SLC24A5: variants seen among roughly 807,000 people sequenced by gnomAD.
SLC24A5 encodes the protein sodium/potassium/calcium exchanger 5.
A neutral mutation model predicts 51.6 loss-of-function variants in SLC24A5; 46 were observed. That is an observed-to-expected ratio of 0.89 (90% CI 0.70 to 1.14). The LOEUF (loss-of-function observed/expected upper bound fraction) is 1.14. Ranked by LOEUF, SLC24A5 falls within the 50% of genes most tolerant of loss-of-function variation. The pLI, the probability that SLC24A5 is intolerant of heterozygous loss-of-function variation, is 0.00. For missense variants in SLC24A5, 581 were observed against 604.1 expected, an observed-to-expected ratio of 0.96 and a Z score of 0.40; for synonymous variants, 230 against 214.9, an observed-to-expected ratio of 1.07 and a Z score of -0.62.
At chr15:48,141,360 C>T (rs1398212604) in intron 8 of SLC24A5, 146 bp downstream of exon 8, 17 of 549,464 alleles carry the variant, frequency 3.1e-5, no homozygotes, top group Non-Finnish European at 5.2e-5. Context: ...GGGTGGATCA[C>T]GAGGTCAGGA....
rs1411705076 is a variant in SLC24A5, at chr15:48,142,590, T to C, written c.*239T>C. 5 of 452,010 alleles carry C rather than the reference T, an allele frequency of 1.1e-5. No homozygotes were observed. Among genetic ancestry groups the C allele is most frequent in the African/African-American group, 6.0e-5 (3 of 49,740 alleles). The allele number at this position is 452,010 out of a possible 1,614,324, so 28.0% of individuals were successfully genotyped here. On this transcript the variant is annotated 3_prime_UTR_variant, in exon 9 of 9. Coordinates refer to ENST00000341459, the MANE Select transcript of SLC24A5 (RefSeq NM_205850.3). ...AATCTATGTTTTACCATACAATAAG[T>C]TGACAAAAACTGGAGAAACTAGAAC...
At position 48,136,727 on chromosome 15, in the gene SLC24A5, T is replaced by C; in HGVS notation, c.635T>C (p.Leu212Ser). 6.2e-7 allele frequency: 1 copy of C among 1,613,474 alleles called. No individual in the cohort carries two copies. The change falls in exon 6 of 9, where the codon TTG (leucine) becomes TCG (serine). Residue 212 changes from leucine to serine, a missense_variant. Coordinates refer to ENST00000341459, the MANE Select transcript of SLC24A5 (RefSeq NM_205850.3). ...LLLLIYGLYVLVLCFDIKINQ... is the reference protein window; with the variant it reads ...LLLLIYGLYVSVLCFDIKINQ... ...CTTTTGATATATGGATTGTATGTTTTGGTGCTGTGTTTTGACATTAAAATT... is the reference window on the plus strand; with the variant it reads ...CTTTTGATATATGGATTGTATGTTTCGGTGCTGTGTTTTGACATTAAAATT...
At chr15:48,127,210 G>A (rs2038741048) in intron 2 of SLC24A5, among the ~76,000 whole-genome samples, 1 of 152,176 alleles carries the variant, frequency 6.6e-6, no homozygotes, top group African/African-American at 2.4e-5. Context: ...AGAAACACAA[G>A]TGAACTGCTT....
At position 48,136,944 on chromosome 15, in the gene SLC24A5, C is replaced by A; in HGVS notation, c.852C>A (p.Gly284=). 6.2e-7 allele frequency: 1 copy of A among 1,609,188 alleles called. No homozygotes were observed. Among genetic ancestry groups the A allele is most frequent in the Non-Finnish European group, 8.5e-7 (1 of 1,176,258 alleles). The part of the protein sequence containing the change: ...GYSQLSISLH[G]LSQVSEDPPS... ...CTCAGCTCTCTATAAGTTTACATGG[C>A]CTTAGTCAGGTTTCTGAAGGTAATC... Residue 284 remains glycine, a synonymous_variant, in exon 6 of 9, where the codon GGC becomes GGA. Coordinates refer to ENST00000341459, the MANE Select transcript of SLC24A5 (RefSeq NM_205850.3).
intron 2 of SLC24A5, chr15:48,122,608 T>G (rs956697399): frequency 6.5e-6 from 1 of 153,400 alleles, no homozygotes; most frequent in African/African-American, 2.4e-5. Flanking sequence ...GACTGTAAAA[T>G]CAGTTATTAA....
rs2038674411 is a variant in SLC24A5, at chr15:48,121,079, G to A, written c.35G>A (p.Arg12Lys). ...QTKGGQTWAR[R>K]ALLLGILWAT... ...AAAGGGGGCCAAACATGGGCGAGAAGGGCTCTGTTGCTCGGCATCCTGTGG... is the reference window on the plus strand; with the variant it reads ...AAAGGGGGCCAAACATGGGCGAGAAAGGCTCTGTTGCTCGGCATCCTGTGG... The change falls in exon 1 of 9, where the codon AGG becomes AAG. Residue 12 changes from arginine (R) to lysine (K), a missense_variant. Transcript: ENST00000341459. The A allele has an allele frequency of 6.2e-7, 1 of 1,613,952 alleles. No individual in the cohort carries two copies. The highest frequency in any genetic ancestry group is 8.5e-7 in the Non-Finnish European group (1 of 1,179,924).
rs780825118 is a variant in SLC24A5 at position 48,142,057 on chromosome 15, C to G, written c.1209C>G (p.Ile403Met). The part of the protein sequence containing the change: ...KGKGDMAMSN[I>M]VGSNVFDMLC... The stretch of plus-strand genomic sequence containing the variant: ...AAGGAGATATGGCTATGTCTAACAT[C>G]GTGGGATCCAATGTGTTTGATATGT... Residue 403 changes from isoleucine (I) to methionine (M), a missense_variant, in exon 9 of 9, where the codon ATC (isoleucine) becomes ATG (methionine). Physicochemically the swap from Ile to Met is conservative, Grantham distance 10. Transcript: ENST00000341459. 72 of 1,612,526 alleles carry G rather than the reference C, an allele frequency of 4.5e-5. No homozygotes were observed. The East Asian group carries it at 1.6e-3, about 36-fold the overall frequency.
chr15:48,125,394 G>A (rs1471854210), intron 2 of SLC24A5, among the ~76,000 whole-genome samples: 2 of 151,882 alleles, frequency 1.3e-5, no homozygotes, highest in Non-Finnish European at 2.9e-5. Context: ...GGGAGGGTAG[G>A]TAATTTCTCA....
At chr15:48,141,906 T>C (rs1285038117) in intron 8 of SLC24A5, 123 bp from the exon 9 acceptor site, 5 of 697,724 alleles carry the variant, frequency 7.2e-6, no homozygotes, top group South Asian at 3.3e-5. Flanking sequence ...ACTTTTGCTC[T>C]AACAACAATT....
In SLC24A5 at chr15:48,141,300, C is replaced by T. The variant is rs758832145; in HGVS notation, c.1180+86C>T. 1.1e-5 allele frequency: 12 copies of T among 1,139,090 alleles called. 1 individual carries two copies. Among genetic ancestry groups the T allele is most frequent in the South Asian group, 2.7e-5 (2 of 73,340 alleles). 70.6% of individuals were successfully genotyped at this position (1,139,090 alleles called of 1,614,324 possible). A position where few individuals can be genotyped will look rare whatever the true frequency, so the allele number is the denominator to read the frequency against. Reference sequence around the variant, plus strand: ...AGCTTTAAAAATGTTTACTTCCAGCCGGGTGTGGTGGCTCGCGCCTGTAAT... The same window carrying T: ...AGCTTTAAAAATGTTTACTTCCAGCTGGGTGTGGTGGCTCGCGCCTGTAAT... On this transcript the variant is annotated intron_variant, in intron 8 of 8. Coordinates refer to ENST00000341459, the MANE Select transcript of SLC24A5 (RefSeq NM_205850.3).
chr15:48,134,926 G>A lies in SLC24A5; in HGVS notation c.532G>A (p.Ala178Thr). Residue 178 changes from alanine (A) to threonine (T), a missense_variant, in exon 5 of 9, where the codon GCG becomes ACG. By Grantham distance (58) the Ala-to-Thr change is moderately conservative (BLOSUM62 0). Transcript: ENST00000341459. Reference protein sequence around the residue: ...SCWPLFRDCAAYTISAAAVLG... With the variant: ...SCWPLFRDCATYTISAAAVLG... ...TTGGCCCCTATTCAGAGACTGTGCA[G>A]CGTACACAATTAGTGCAGCAGCAGT... 1.2e-6 allele frequency: 2 copies of A among 1,612,542 alleles called. No homozygotes were observed. Among genetic ancestry groups the A allele is most frequent in the Non-Finnish European group, 1.7e-6 (2 of 1,178,964 alleles).
At chr15:48,122,431 T>C (rs1013352191) in intron 2 of SLC24A5, 1 of 282,654 alleles carries the variant, frequency 3.5e-6, no homozygotes, top group African/African-American at 2.2e-5. Flanking sequence ...TACTCTAAGC[T>C]CGCTATAACT....
chr15:48,123,557 A>G (rs79338096), intron 2 of SLC24A5: 4 of 152,158 alleles, frequency 2.6e-5, no homozygotes, highest in African/African-American at 9.7e-5. Context: ...TGAGCGTCTG[A>G]CACTGGTTTT....
intron 5 of SLC24A5, 51 bp downstream of exon 5, chr15:48,135,035 T>G (rs771857903): frequency 2.8e-6 from 4 of 1,431,106 alleles, no homozygotes; most frequent in East Asian, 4.6e-5. Flanking sequence ...TATGAATTTC[T>G]GATGGTTCAG....
intron 2 of SLC24A5, 131 bp from the exon 3 acceptor site, chr15:48,134,127 C>G (rs2038836319): frequency 1.3e-6 from 1 of 749,272 alleles, no homozygotes; most frequent in African/African-American, 1.8e-5. Flanking sequence ...CTCTTTTAAT[C>G]TGTGTATTTT....
chr15:48,130,771 A>AT (rs566293099), intron 2 of SLC24A5, among the ~76,000 whole-genome samples: 3 of 152,060 alleles, frequency 2.0e-5, no homozygotes, highest in South Asian at 2.1e-4. Context: ...CTCGGTAACT[A>AT]TTTTTTCCAC....
At chr15:48,132,614 C>T (rs754350651) in intron 2 of SLC24A5, among the ~76,000 whole-genome samples, 4 of 152,084 alleles carry the variant, frequency 2.6e-5, no homozygotes, top group Non-Finnish European at 4.4e-5. Flanking sequence ...GTTTACTGAG[C>T]TAAGCTAGGT....
chr15:48,122,440 C>G (rs1368266003), intron 2 of SLC24A5: 1 of 260,130 alleles, frequency 3.8e-6, no homozygotes, highest in East Asian at 7.4e-5. Context: ...CTCGCTATAA[C>G]TTTGATTATA....
chr15:48,126,407 G>A (rs182913865), intron 2 of SLC24A5, among the ~76,000 whole-genome samples: 1 of 152,290 alleles, frequency 6.6e-6, no homozygotes, highest in Non-Finnish European at 1.5e-5. Flanking sequence ...AACACAGAGG[G>A]CTGAAATGAA....
Sources: allele counts gnomAD v4.1 joint callset (sites outside exome capture counted in the v4.1 genomes callset), GRCh38; gene constraint gnomAD v4.1.1; transcripts MANE v1.5; gene names NCBI Gene and HGNC (gene_info 2026-07-23, HGNC 2026-07-21).